Variants in DNAH14 observed in about 807,000 individuals in gnomAD.
DNAH14 encodes the protein axonemal beta dynein heavy chain 14.
DNAH14 carries 478 observed loss-of-function variants against 520.9 expected under a neutral mutation model. That is an observed-to-expected ratio of 0.92 (90% CI 0.85 to 0.99). The LOEUF (loss-of-function observed/expected upper bound fraction) is 0.99. Among genes scored for constraint, DNAH14 ranks in the 50% least tolerant of loss-of-function variants. The pLI is 0.00. For missense variants in DNAH14, 4,831 were observed against 5,234.5 expected (o/e 0.92, Z 2.38); for synonymous variants, 1,581 against 1,757.2 (o/e 0.90, Z 2.51).
At chr1:225,198,521 C>G (rs1208335592) in intron 38 of DNAH14, among the ~76,000 whole-genome samples, 2 of 152,094 alleles carry the variant, frequency 1.3e-5, no homozygotes, top group African/African-American at 4.8e-5. Flanking sequence ...CCAGCCCCTT[C>G]TATGCCAATT....
At chr1:225,196,720 G>A (rs1325021890) in intron 38 of DNAH14, among the ~76,000 whole-genome samples, 1 of 152,096 alleles carries the variant, frequency 6.6e-6, no homozygotes, top group Non-Finnish European at 1.5e-5. Context: ...CAGGAATAAA[G>A]TGGTATTGTA....
intron 57 of DNAH14, among the ~76,000 whole-genome samples, 162 bp downstream of exon 57, chr1:225,303,509 A>C (rs1373226089): frequency 6.6e-6 from 1 of 152,154 alleles, no homozygotes; most frequent in African/African-American, 2.4e-5. Context: ...TTAATTCCCC[A>C]TCTGTTGTAC....
chr1:225,324,095 C>A, intron 62 of DNAH14, 127 bp from the exon 63 acceptor site: 1 of 1,189,984 alleles, frequency 8.4e-7, no homozygotes, highest in Non-Finnish European at 1.2e-6. Flanking sequence ...GGTTTATAGG[C>A]ATGAGCCGCC....
chr1:225,246,445 C>A (rs911408925), intron 43 of DNAH14, among the ~76,000 whole-genome samples: 1 of 152,070 alleles, frequency 6.6e-6, no homozygotes, highest in African/African-American at 2.4e-5. Flanking sequence ...AACAGGCAAC[C>A]TACAGAACGG....
chr1:225,122,870 G>C (rs1185297172), intron 26 of DNAH14, among the ~76,000 whole-genome samples: 1 of 152,076 alleles, frequency 6.6e-6, no homozygotes, highest in Non-Finnish European at 1.5e-5. Context: ...CATTCTAAAT[G>C]AATTTTAGAG....
At chr1:225,229,786 G>A (rs2090923351) in intron 41 of DNAH14, among the ~76,000 whole-genome samples, 1 of 152,098 alleles carries the variant, frequency 6.6e-6, no homozygotes, top group South Asian at 2.1e-4. Flanking sequence ...GTCAAGGGGA[G>A]GGATAGCACT....
At chr1:224,984,721 G>A (rs1248862799) in intron 8 of DNAH14, among the ~76,000 whole-genome samples, 1 of 151,800 alleles carries the variant, frequency 6.6e-6, no homozygotes, top group African/African-American at 2.4e-5. Context: ...TCAAAAGTGG[G>A]CTGACAAAGG....
intron 44 of DNAH14, among the ~76,000 whole-genome samples, chr1:225,255,850 G>T (rs916030839): frequency 5.3e-5 from 8 of 152,088 alleles, no homozygotes; most frequent in African/African-American, 1.7e-4. Flanking sequence ...TACCTGAAAT[G>T]CAAGAGAAAC....
intron 52 of DNAH14, among the ~76,000 whole-genome samples, chr1:225,274,408 G>GTTTTAGCCGGGA (rs2093412287): frequency 6.6e-6 from 1 of 151,108 alleles, no homozygotes; most frequent in South Asian, 2.1e-4. Flanking sequence ...GGGTTTCACC[G>GTTTTAGCCGGGA]TGGTCTCGAT....
chr1:225,065,819 G>A (rs993706952), intron 17 of DNAH14, among the ~76,000 whole-genome samples: 10 of 152,016 alleles, frequency 6.6e-5, no homozygotes, highest in Non-Finnish European at 1.3e-4. Context: ...AGTGCTAAAA[G>A]GAACATGGAA....
intron 17 of DNAH14, among the ~76,000 whole-genome samples, chr1:225,075,974 C>A (rs1195887427): frequency 4.2e-5 from 1 of 23,716 alleles, no homozygotes; most frequent in African/African-American, 5.9e-5. Context: ...TGCTACAGCA[C>A]TTAGGCTGGC....
chr1:225,007,658 T>C (rs561926578), intron 10 of DNAH14, 114 bp downstream of exon 10: 29 of 879,280 alleles, frequency 3.3e-5, no homozygotes, highest in Admixed American at 1.1e-4. Context: ...GGAACAAAGG[T>C]GGTTAATTAA....
chr1:225,002,384 C>T (rs1267780493), intron 8 of DNAH14, among the ~76,000 whole-genome samples: 1 of 152,112 alleles, frequency 6.6e-6, no homozygotes, highest in African/African-American at 2.4e-5. Context: ...CCAGTGGTCC[C>T]TATTCCAGTT....
At position 225,194,600 on chromosome 1, in the gene DNAH14, A is replaced by T. The variant is rs1402881813; in HGVS notation, c.5886+1689A>T. ...AAGAAACCTAGGAAAATCATTCTGT[A>T]TATGTGCCTGGGCAAAGATTTCATG... On this transcript the variant is annotated intron_variant, in intron 38 of 85. Coordinates refer to ENST00000682510, the MANE Select transcript of DNAH14 (RefSeq NM_001367479.1). Among the ~76,000 whole-genome samples the T allele has an allele frequency of 3.3e-5, 5 of 152,290 alleles. No individual in the cohort carries two copies. The East Asian group carries it at 9.7e-4, about 29-fold the overall frequency.
Position 225,252,365 on chromosome 1 carries a change from A to C in DNAH14, c.6813A>C (p.Glu2271Asp). 1 of 1,549,948 alleles carries C rather than the reference A, an allele frequency of 6.5e-7. No homozygotes were observed. The change falls in exon 44 of 86, where the codon GAA becomes GAC. Residue 2271 changes from glutamate (E) to aspartate (D), a missense_variant. Coordinates refer to ENST00000682510, the MANE Select transcript of DNAH14 (RefSeq NM_001367479.1). ...ATTTTGTGGATATAGAGCAATGTGA[A>C]TTCATACCTTGGTCAGATTTAGTTC... ...FGYFVDIEQC[E>D]FIPWSDLVPN...
At chr1:225,313,473 C>G (rs1338895779) in intron 60 of DNAH14, among the ~76,000 whole-genome samples, 4 of 152,118 alleles carry the variant, frequency 2.6e-5, no homozygotes, top group African/African-American at 9.7e-5. Context: ...TATTCCTTGT[C>G]TTCTGCTAGC....
chr1:225,267,106 T>G (rs569276291), intron 49 of DNAH14, among the ~76,000 whole-genome samples: 3 of 152,100 alleles, frequency 2.0e-5, no homozygotes, highest in Non-Finnish European at 4.4e-5. Context: ...TAGTTAGTTG[T>G]GAGAAAAGCC....
intron 71 of DNAH14, among the ~76,000 whole-genome samples, chr1:225,351,327 G>A (rs1043006894): frequency 1.3e-5 from 2 of 152,104 alleles, no homozygotes; most frequent in African/African-American, 4.8e-5. Context: ...GGAAGCAAAT[G>A]TTGCAGTGAG....
Position 225,351,774 on chromosome 1 carries a change from A to G in DNAH14, c.11424A>G (p.Val3808=), listed in dbSNP as rs368419004. 1.9e-6 allele frequency: 3 copies of G among 1,551,252 alleles called. No homozygotes were observed. Among genetic ancestry groups the G allele is most frequent in the African/African-American group, 2.7e-5 (2 of 73,012 alleles). The change falls in exon 72 of 86, where the codon GTA becomes GTG. Residue 3808 remains valine, a synonymous_variant. Transcript: ENST00000682510. ...SLLCKSLLSN[V]SQWDTFKNSK... The stretch of plus-strand genomic sequence containing the variant: ...TGTGCAAATCCCTTTTATCAAACGT[A>G]TCACAATGGGATACTTTTAAGAACA...
Sources: gnomAD v4.1 joint callset for allele counts (sites outside exome capture counted in the v4.1 genomes callset) on GRCh38, gnomAD v4.1.1 for gene constraint, MANE v1.5 for transcripts, NCBI Gene and HGNC (gene_info 2026-07-23, HGNC 2026-07-21) for gene names.